The following CACNB2 variants were observed in gnomAD, a reference collection of about 807,000 sequenced individuals.
CACNB2 encodes the protein voltage-dependent L-type calcium channel subunit beta-2.
A neutral mutation model predicts 73.3 loss-of-function variants in CACNB2; 42 were observed. The observed-to-expected ratio is 0.57, with a 90% CI of 0.45 to 0.74. CACNB2 has a LOEUF of 0.74. CACNB2 is among the 30% of genes least tolerant of loss of function. CACNB2 has a pLI of 0.00. For synonymous variants in CACNB2, 348 were observed against 310.3 expected (o/e 1.12, Z -1.28); for missense variants, 940 against 853.0 (o/e 1.10, Z -1.27).
chr10:18,485,558 C>CTT (rs34707498), intron 3 of CACNB2, among the ~76,000 whole-genome samples: 232 of 129,186 alleles, frequency 1.8e-3, no homozygotes, highest in Middle Eastern at 4.0e-3. Flanking sequence ...CTCTCTCTCT[C>CTT]TTTTTTTTTT....
At chr10:18,302,827 A>G (rs898951423) in intron 2 of CACNB2, among the ~76,000 whole-genome samples, 19 of 152,222 alleles carry the variant, frequency 1.2e-4, no homozygotes, top group African/African-American at 4.3e-4. Flanking sequence ...GTAACCGAAC[A>G]CCACCTGTTC....
intron 2 of CACNB2, among the ~76,000 whole-genome samples, chr10:18,355,413 G>A (rs1350349531): frequency 6.7e-6 from 1 of 149,494 alleles, no homozygotes; most frequent in Non-Finnish European, 1.5e-5. Flanking sequence ...ACTTCTATAT[G>A]TAACTAACGA....
intron 2 of CACNB2, among the ~76,000 whole-genome samples, chr10:18,207,590 A>G (rs1232214267): frequency 6.6e-6 from 1 of 152,246 alleles, no homozygotes; most frequent in African/African-American, 2.4e-5. Flanking sequence ...AACATATAGA[A>G]ATCATGTGTC....
In CACNB2 at chr10:18,150,880, T is replaced by C. The variant is rs889241672; in HGVS notation, c.121-3T>C. 6 of 1,300,366 alleles carry C rather than the reference T, an allele frequency of 4.6e-6. No homozygotes were observed. The highest frequency in any genetic ancestry group is 5.3e-6 in the Non-Finnish European group (5 of 943,298). 80.6% of individuals were successfully genotyped at this position (1,300,366 alleles called of 1,614,324 possible). A position where few individuals can be genotyped will look rare whatever the true frequency, so the allele number is the denominator to read the frequency against. Reference sequence around the variant, plus strand: ...CTTTTTTTTTTTTTTTTTTTTTTTTTAGTCATATGGAAAAGGAGCCAGAAG... The same window carrying C: ...CTTTTTTTTTTTTTTTTTTTTTTTTCAGTCATATGGAAAAGGAGCCAGAAG... On this transcript the variant is annotated splice_region_variant and splice_polypyrimidine_tract_variant and intron_variant, in intron 1 of 13. Coordinates refer to ENST00000324631, the MANE Select transcript of CACNB2 (RefSeq NM_201596.3).
intron 3 of CACNB2, among the ~76,000 whole-genome samples, chr10:18,443,279 TC>T (rs1371241865): frequency 6.6e-6 from 1 of 151,778 alleles, no homozygotes; most frequent in Non-Finnish European, 1.5e-5. Flanking sequence ...CACCCTAGTG[TC>T]CTAACTGAAG....
chr10:18,524,449 A>T (rs1474079192), intron 9 of CACNB2, among the ~76,000 whole-genome samples: 1 of 151,864 alleles, frequency 6.6e-6, no homozygotes, highest in Non-Finnish European at 1.5e-5. Flanking sequence ...TGAGGCCAGG[A>T]GTTTGAGACC....
intron 2 of CACNB2, among the ~76,000 whole-genome samples, chr10:18,387,068 G>A (rs1211645376): frequency 6.6e-6 from 1 of 152,100 alleles, no homozygotes; most frequent in Non-Finnish European, 1.5e-5. Context: ...GTTTCAGAAG[G>A]CAGATCTAGC....
chr10:18,528,853 T>A (rs1411260308), intron 10 of CACNB2, among the ~76,000 whole-genome samples: 1 of 152,210 alleles, frequency 6.6e-6, no homozygotes, highest in Non-Finnish European at 1.5e-5. Context: ...TATTTTGACT[T>A]TTTTGAGAGA....
At chr10:18,149,940 C>A (rs1191246816) in intron 1 of CACNB2, among the ~76,000 whole-genome samples, 1 of 152,074 alleles carries the variant, frequency 6.6e-6, no homozygotes, top group Non-Finnish European at 1.5e-5. Context: ...TAATACTTAA[C>A]CCCATTTTAA....
intron 3 of CACNB2, among the ~76,000 whole-genome samples, chr10:18,472,603 T>A (rs1193455403): frequency 1.3e-5 from 2 of 152,202 alleles, no homozygotes; most frequent in African/African-American, 4.8e-5. Context: ...CCTTAGCCTG[T>A]TAACCCATAC....
At chr10:18,417,553 G>C (rs934847415) in intron 3 of CACNB2, among the ~76,000 whole-genome samples, 2 of 151,750 alleles carry the variant, frequency 1.3e-5, no homozygotes, top group African/African-American at 4.8e-5. Flanking sequence ...ATTTTTAGTA[G>C]AGACAGGTTT....
intron 3 of CACNB2, among the ~76,000 whole-genome samples, chr10:18,496,748 A>G (rs2049843975): frequency 7.7e-6 from 1 of 130,142 alleles, no homozygotes. Flanking sequence ...CAGGAGGCGG[A>G]GGTTGCAATG....
At chr10:18,142,098 G>A (rs1564289678) in intron 1 of CACNB2, among the ~76,000 whole-genome samples, 1 of 152,198 alleles carries the variant, frequency 6.6e-6, no homozygotes, top group African/African-American at 2.4e-5. Flanking sequence ...GGTGGAACAT[G>A]AGTGCTCTAG....
intron 2 of CACNB2, among the ~76,000 whole-genome samples, chr10:18,274,142 G>C (rs1266314174): frequency 1.3e-5 from 2 of 152,090 alleles, no homozygotes; most frequent in Admixed American, 6.6e-5. Context: ...TGTGAAGCCT[G>C]TTGGCAACTT....
chr10:18,317,274 T>C (rs1016437928), intron 2 of CACNB2, among the ~76,000 whole-genome samples: 1 of 151,876 alleles, frequency 6.6e-6, no homozygotes, highest in Admixed American at 6.6e-5. Context: ...GATTTGGGGG[T>C]TACAGATGCA....
At chr10:18,436,060 A>G (rs2046121621) in intron 3 of CACNB2, among the ~76,000 whole-genome samples, 1 of 152,220 alleles carries the variant, frequency 6.6e-6, no homozygotes, top group African/African-American at 2.4e-5. Context: ...TAACAAAAGG[A>G]GAACTTCAGA....
intron 2 of CACNB2, among the ~76,000 whole-genome samples, chr10:18,356,317 C>T (rs1489004971): frequency 6.6e-6 from 1 of 152,196 alleles, no homozygotes; most frequent in Admixed American, 6.5e-5. Context: ...ACTGTCTATA[C>T]CCTGTGCTCT....
At chr10:18,323,222 G>T (rs1445193280) in intron 2 of CACNB2, among the ~76,000 whole-genome samples, 1 of 151,860 alleles carries the variant, frequency 6.6e-6, no homozygotes, top group Non-Finnish European at 1.5e-5. Flanking sequence ...GCCTCCCAAG[G>T]TGCTGTGATT....
chr10:18,296,380 T>C (rs2039282081), intron 2 of CACNB2, among the ~76,000 whole-genome samples: 1 of 152,154 alleles, frequency 6.6e-6, no homozygotes, highest in Non-Finnish European at 1.5e-5. Context: ...TCATAGTGTG[T>C]CTGGTGATAC....
Sources: allele counts gnomAD v4.1 joint callset (sites outside exome capture counted in the v4.1 genomes callset), GRCh38; gene constraint gnomAD v4.1.1; transcripts MANE v1.5; gene names NCBI Gene and HGNC (gene_info 2026-07-23, HGNC 2026-07-21).